AJAP1: variants seen among roughly 807,000 people sequenced by gnomAD.
The protein encoded by AJAP1 is adherens junctions associated protein 1, also known as adherens junction-associated protein 1.
In AJAP1, 5 loss-of-function variants were observed where a neutral mutation model predicts 35.0. The observed-to-expected ratio is 0.14, with a 90% CI of 0.07 to 0.30. AJAP1 has a LOEUF of 0.30. AJAP1 is among the 10% of genes least tolerant of loss of function. AJAP1 has a pLI of 1.00. For synonymous variants in AJAP1, 284 were observed against 249.3 expected, an observed-to-expected ratio of 1.14 and a Z score of -1.31; for missense variants, 586 against 571.0, an observed-to-expected ratio of 1.03 and a Z score of -0.27.
At chr1:4,665,826 C>A (rs1391623729) in intron 1 of AJAP1, among the ~76,000 whole-genome samples, 1 of 152,236 alleles carries the variant, frequency 6.6e-6, no homozygotes, top group Non-Finnish European at 1.5e-5. Flanking sequence ...CCTACAGGAA[C>A]TCCAAGTGGA....
At chr1:4,752,254 G>A (rs1401984010) in intron 2 of AJAP1, among the ~76,000 whole-genome samples, 12 of 152,020 alleles carry the variant, frequency 7.9e-5, no homozygotes, top group East Asian at 1.9e-4. Context: ...TTGTTTCACC[G>A]AGATGAAGGA....
intron 1 of AJAP1, among the ~76,000 whole-genome samples, chr1:4,676,382 T>C (rs1639363503): frequency 6.6e-6 from 1 of 152,228 alleles, no homozygotes; most frequent in Admixed American, 6.5e-5. Context: ...CACCCGCTTC[T>C]GAAACACATC....
chr1:4,681,107 G>A (rs1639472226), intron 1 of AJAP1, among the ~76,000 whole-genome samples: 1 of 152,176 alleles, frequency 6.6e-6, no homozygotes, highest in Admixed American at 6.5e-5. Flanking sequence ...GCAGTTTTTA[G>A]ATTAAACAGC....
At chr1:4,712,762 G>A in intron 2 of AJAP1, 63 bp downstream of exon 2, 1 of 1,454,696 alleles carries the variant, frequency 6.9e-7, no homozygotes, top group South Asian at 1.5e-5. Context: ...CGTGACTCGG[G>A]AGAGATGCTT....
At position 4,791,095 on chromosome 1, in the gene AJAP1, G is replaced by C. The variant is rs1240405323; in HGVS notation, c.*8610G>C. ...GATTTAAATGGAAAGGAGAATGACA[G>C]CAAAGCCTCACGTGAACTTTAATGA... is the stretch of plus-strand genomic sequence containing the variant. On this transcript the variant is annotated 3_prime_UTR_variant, in exon 6 of 6. Transcript: ENST00000378191. 6.6e-6 allele frequency: 1 copy of C among 152,136 alleles called. No homozygotes were observed. The highest frequency in any genetic ancestry group is 1.5e-5 in the Non-Finnish European group (1 of 68,034). 9.4% of individuals were successfully genotyped at this position (152,136 alleles called of 1,614,324 possible).
At chr1:4,713,419 ACAGTTCACTG>A (rs1640314125) in intron 2 of AJAP1, among the ~76,000 whole-genome samples, 1 of 152,202 alleles carries the variant, frequency 6.6e-6, no homozygotes. Context: ...GTGGACACAC[ACAGTTCACTG>A]GCTTTGGAAT....
At chr1:4,752,836 A>G (rs1484039286) in intron 2 of AJAP1, among the ~76,000 whole-genome samples, 3 of 152,238 alleles carry the variant, frequency 2.0e-5, no homozygotes, top group Non-Finnish European at 2.9e-5. Flanking sequence ...AAGAATTCAA[A>G]GCATAAGACA....
chr1:4,778,155 C>A (rs1165134126), intron 5 of AJAP1, among the ~76,000 whole-genome samples: 2 of 152,212 alleles, frequency 1.3e-5, no homozygotes, highest in African/African-American at 4.8e-5. Flanking sequence ...GAATCTCCTT[C>A]CAGGCAGCAG....
In AJAP1 at chr1:4,782,945, C is replaced by A. The variant is rs550558522; in HGVS notation, c.*460C>A. The A allele has an allele frequency of 2.5e-6, 1 of 398,094 alleles. No individual in the cohort carries two copies. Among genetic ancestry groups the A allele is most frequent in the African/African-American group, 2.1e-5 (1 of 48,730 alleles). 24.7% of individuals were successfully genotyped at this position (398,094 alleles called of 1,614,324 possible). ...CGCAGAGCCGGGGCCCAGCGAATCA[C>A]GCAGAGAAATCTTACAGAAAACAGG... On this transcript the variant is annotated 3_prime_UTR_variant, in exon 6 of 6. Transcript: ENST00000378191. The surrounding 1 kb of genome is among the most constrained non-coding windows in gnomAD (Gnocchi z 5.3).
At chr1:4,774,714 G>GT (rs1557650317) in intron 5 of AJAP1, among the ~76,000 whole-genome samples, 156 bp downstream of exon 5, 2 of 152,048 alleles carry the variant, frequency 1.3e-5, no homozygotes, top group Non-Finnish European at 2.9e-5. Flanking sequence ...GGCGGGGGGG[G>GT]CTGGGCTTTT....
At chr1:4,778,722 G>A (rs531261083) in intron 5 of AJAP1, among the ~76,000 whole-genome samples, 54 of 152,210 alleles carry the variant, frequency 3.5e-4, no homozygotes, top group African/African-American at 1.3e-3. Flanking sequence ...TGCATAGCCG[G>A]GGATGTCTGG....
At chr1:4,715,767 C>A (rs1274217657) in intron 2 of AJAP1, among the ~76,000 whole-genome samples, 1 of 152,204 alleles carries the variant, frequency 6.6e-6, no homozygotes, top group Admixed American at 6.5e-5. Flanking sequence ...AGGCACCTGG[C>A]GCTGAACAAT....
At chr1:4,749,480 T>C (rs988927147) in intron 2 of AJAP1, among the ~76,000 whole-genome samples, 1 of 152,216 alleles carries the variant, frequency 6.6e-6, no homozygotes, top group Admixed American at 6.5e-5. Context: ...ATGCAGCTGC[T>C]GTCATGCGCT....
intron 2 of AJAP1, among the ~76,000 whole-genome samples, chr1:4,758,137 T>C (rs7553204): frequency 0.45 from 68,637 of 151,986 alleles, 16,340 homozygotes; most frequent in African/African-American, 0.59. Flanking sequence ...GCCTCCCCAG[T>C]GATGTGTAAC....
intron 2 of AJAP1, among the ~76,000 whole-genome samples, chr1:4,730,271 G>C (rs1017689122): frequency 2.0e-5 from 3 of 152,200 alleles, no homozygotes; most frequent in Non-Finnish European, 2.9e-5. Flanking sequence ...TAGCCAAGGT[G>C]TCTTGTAAAC....
intron 2 of AJAP1, among the ~76,000 whole-genome samples, chr1:4,712,937 G>A (rs573518103): frequency 1.6e-4 from 24 of 152,296 alleles, no homozygotes; most frequent in Non-Finnish European, 2.4e-4. Context: ...AGAAGTGGGC[G>A]CTGCACCCCT....
At chr1:4,749,302 G>C (rs1488472900) in intron 2 of AJAP1, among the ~76,000 whole-genome samples, 1 of 152,168 alleles carries the variant, frequency 6.6e-6, no homozygotes, top group Non-Finnish European at 1.5e-5. Context: ...TGCTCTGCTC[G>C]AAGCTGAATA....
intron 1 of AJAP1, among the ~76,000 whole-genome samples, chr1:4,696,338 T>C (rs1020777203): frequency 7.2e-5 from 11 of 152,204 alleles, no homozygotes; most frequent in African/African-American, 2.7e-4. Flanking sequence ...ACAAGTGTCC[T>C]CCTGACACCT....
At chr1:4,743,223 T>C (rs867367904) in intron 2 of AJAP1, among the ~76,000 whole-genome samples, 2 of 152,088 alleles carry the variant, frequency 1.3e-5, no homozygotes, top group Non-Finnish European at 2.9e-5. Flanking sequence ...CTCTTTCCTG[T>C]CACATTATAG....
Sources: allele counts gnomAD v4.1 joint callset (sites outside exome capture counted in the v4.1 genomes callset), GRCh38; gene constraint gnomAD v4.1.1; non-coding constraint Gnocchi (gnomAD v3.1); transcripts MANE v1.5; gene names NCBI Gene and HGNC (gene_info 2026-07-23, HGNC 2026-07-21).